Variants in COL23A1 observed in about 807,000 individuals in gnomAD.
COL23A1 encodes collagen type XXIII alpha 1 chain, also known as collagen alpha-1(XXIII) chain.
A neutral mutation model predicts 99.3 loss-of-function variants in COL23A1; 97 were observed. The ratio of observed to expected loss-of-function variants is 0.98; its 90% CI spans 0.83 to 1.16. The LOEUF (loss-of-function observed/expected upper bound fraction) is 1.16, where lower values mean the gene tolerates loss of function less well. Among genes scored for constraint, COL23A1 ranks in the 50% most tolerant of loss-of-function variants. The pLI is 0.00. For synonymous variants in COL23A1, 320 were observed against 308.2 expected (o/e 1.04, Z -0.40); for missense variants, 762 against 757.4 (o/e 1.01, Z -0.07).
At position 178,288,501 on chromosome 5, in the gene COL23A1, G is replaced by C. The variant is rs565632932; in HGVS notation, c.415-151C>G. 6.7e-6 allele frequency: 5 copies of C among 749,694 alleles called. No individual in the cohort carries two copies. The South Asian group carries it at 7.2e-5, about 11-fold the overall frequency. The allele number at this position is 749,694 out of a possible 1,614,324, so 46.4% of individuals were successfully genotyped here. ...GCGGGAGGACTCAAGGGCTCCAGGG[G>C]TCTTGGGGGCAGAGCAGCCCTTTCC... On this transcript the variant is annotated intron_variant, in intron 4 of 28. Coordinates refer to ENST00000390654, the MANE Select transcript of COL23A1 (RefSeq NM_173465.4).
chr5:178,519,200 T>C (rs927767762), intron 2 of COL23A1, among the ~76,000 whole-genome samples: 3 of 152,360 alleles, frequency 2.0e-5, no homozygotes, highest in South Asian at 4.1e-4. Context: ...TCATCTTCCC[T>C]CTCTGCCCGC....
At position 178,384,306 on chromosome 5, in the gene COL23A1, G is replaced by A. The variant is rs968649761; in HGVS notation, c.362-77387C>T. On this transcript the variant is annotated intron_variant, in intron 2 of 28. Transcript: ENST00000390654. The surrounding 1 kb of genome is among the most constrained non-coding windows in gnomAD (Gnocchi z 5.5). ...AACCTGGATCCGGCGACGGAGGCCCGGCCTGGCCACTGCCTGGCGTTTTCT... is the reference window on the plus strand; with the variant it reads ...AACCTGGATCCGGCGACGGAGGCCCAGCCTGGCCACTGCCTGGCGTTTTCT... 3.9e-5 allele frequency among the ~76,000 whole-genome samples: 6 copies of A among 152,220 alleles called. No homozygotes were observed. The highest frequency in any genetic ancestry group is 2.1e-4 in the South Asian group (1 of 4,830).
At chr5:178,533,084 G>A (rs1760738665) in intron 2 of COL23A1, among the ~76,000 whole-genome samples, 1 of 152,180 alleles carries the variant, frequency 6.6e-6, no homozygotes, top group South Asian at 2.1e-4. Flanking sequence ...ATGGGGAAAT[G>A]CCTGCCCTAC....
At chr5:178,348,927 G>A (rs544170149) in intron 2 of COL23A1, among the ~76,000 whole-genome samples, 16 of 152,220 alleles carry the variant, frequency 1.1e-4, no homozygotes, top group East Asian at 9.7e-4. Context: ...TCCCCCACCC[G>A]CGTCAGCAGC....
intron 2 of COL23A1, among the ~76,000 whole-genome samples, chr5:178,446,454 A>G (rs1225703907): frequency 1.3e-5 from 2 of 152,164 alleles, no homozygotes; most frequent in Non-Finnish European, 2.9e-5. Context: ...ACACAGAAAA[A>G]GCAAGATTAT....
chr5:178,452,969 A>G (rs1466914028), intron 2 of COL23A1, among the ~76,000 whole-genome samples: 10 of 152,216 alleles, frequency 6.6e-5, no homozygotes, highest in Non-Finnish European at 1.5e-4. Flanking sequence ...TAATTCCATG[A>G]TATTGTCTGT....
At position 178,578,501 on chromosome 5, in the gene COL23A1, T is replaced by G. The variant is rs540767914; in HGVS notation, c.294+11403A>C. Among the ~76,000 whole-genome samples the G allele has an allele frequency of 7.9e-4, 121 of 152,334 alleles. 1 individual carries two copies. Among genetic ancestry groups the G allele is most frequent in the African/African-American group, 2.7e-3 (113 of 41,588 alleles). ...CAATGAGCAGATCCGGCATTTTTTG[T>G]GTGATGTTCCTCCCGGGAGGCCCAA... On this transcript the variant is annotated intron_variant, in intron 1 of 28. Coordinates refer to ENST00000390654, the MANE Select transcript of COL23A1 (RefSeq NM_173465.4).
rs956946194 is a variant in COL23A1 at position 178,384,125 on chromosome 5, T to C, written c.362-77206A>G. ...ACCCCTCTTCTCTAGAAAGGGGTGA[T>C]GGTAAAATAAGGCTGGCCATCGAGA... On this transcript the variant is annotated intron_variant, in intron 2 of 28. Transcript: ENST00000390654. The surrounding 1 kb of genome is among the most constrained non-coding windows in gnomAD (Gnocchi z 5.5). Among the ~76,000 whole-genome samples, 3 of 151,970 alleles carry C rather than the reference T, an allele frequency of 2.0e-5. No homozygotes were observed. The highest frequency in any genetic ancestry group is 4.4e-5 in the Non-Finnish European group (3 of 67,992).
At chr5:178,265,350 C>T (rs902668364) in intron 8 of COL23A1, among the ~76,000 whole-genome samples, 4 of 152,104 alleles carry the variant, frequency 2.6e-5, no homozygotes, top group African/African-American at 9.7e-5. Flanking sequence ...GTGATGGTGG[C>T]GGGTGATTCC....
intron 2 of COL23A1, among the ~76,000 whole-genome samples, chr5:178,391,439 CA>C (rs1372609675): frequency 6.6e-6 from 1 of 152,106 alleles, no homozygotes; most frequent in African/African-American, 2.4e-5. Flanking sequence ...GACCTTTCTC[CA>C]AAGAAGATAA....
chr5:178,263,635 G>A (rs115177192), intron 8 of COL23A1, among the ~76,000 whole-genome samples: 1,917 of 152,336 alleles, frequency 0.013, 29 homozygotes, highest in African/African-American at 0.043. Flanking sequence ...GAGACAGCAC[G>A]TGTGTCCAGC....
intron 2 of COL23A1, among the ~76,000 whole-genome samples, chr5:178,400,257 C>T (rs1437593086): frequency 6.8e-6 from 1 of 146,642 alleles, no homozygotes; most frequent in Non-Finnish European, 1.5e-5. Context: ...GCCACAGCTA[C>T]TGGGGAGGCT....
Position 178,257,523 on chromosome 5 carries a change from C to T in COL23A1, c.774G>A (p.Lys258=), listed in dbSNP as rs1765372694. The change falls in exon 13 of 29, where the codon AAG becomes AAA. Residue 258 remains lysine, a splice_region_variant and synonymous_variant. Coordinates refer to ENST00000390654, the MANE Select transcript of COL23A1 (RefSeq NM_173465.4). The stretch of plus-strand genomic sequence containing the variant: ...CACGAGAGGAGGGGCAGATACTCAC[C>T]TTGGGCCCTGGTGGTCCAGGCTGGC... ...TPSQPGPPGP[K]GEPGSMGPRG... 2.6e-6 allele frequency: 4 copies of T among 1,566,960 alleles called. No individual in the cohort carries two copies. The highest frequency in any genetic ancestry group is 2.4e-5 in the East Asian group (1 of 42,450).
chr5:178,514,628 T>C (rs1455526477), intron 2 of COL23A1, among the ~76,000 whole-genome samples: 1 of 152,156 alleles, frequency 6.6e-6, no homozygotes, highest in South Asian at 2.1e-4. Context: ...GAACTGGGGC[T>C]CAGAGCCCAG....
intron 2 of COL23A1, among the ~76,000 whole-genome samples, chr5:178,481,148 A>G (rs1243754979): frequency 7.1e-6 from 1 of 140,646 alleles, no homozygotes; most frequent in Admixed American, 6.9e-5. Flanking sequence ...AAAAAAAAAA[A>G]AAGAAAGAAA....
chr5:178,336,992 C>CA (rs35443616), intron 2 of COL23A1, among the ~76,000 whole-genome samples: 1 of 151,802 alleles, frequency 6.6e-6, no homozygotes, highest in East Asian at 1.9e-4. Flanking sequence ...ACACTCCTCC[C>CA]CGGAGCCAGC....
At chr5:178,265,705 G>C in intron 8 of COL23A1, 2 of 985,888 alleles carry the variant, frequency 2.0e-6, no homozygotes, top group Non-Finnish European at 2.4e-6. Context: ...ATAAAGCCCG[G>C]ATTGAGCCGT....
At chr5:178,501,018 A>G (rs1195844748) in intron 2 of COL23A1, among the ~76,000 whole-genome samples, 1 of 152,226 alleles carries the variant, frequency 6.6e-6, no homozygotes, top group African/African-American at 2.4e-5. Context: ...ACAAGTCAAT[A>G]GGGCCCAGTT....
At chr5:178,364,693 G>A (rs372516763) in intron 2 of COL23A1, among the ~76,000 whole-genome samples, 7 of 152,134 alleles carry the variant, frequency 4.6e-5, no homozygotes, top group East Asian at 1.9e-4. Context: ...AGAATCACCC[G>A]GACAGCTTTT....
Sources: gnomAD v4.1 joint callset for allele counts (sites outside exome capture counted in the v4.1 genomes callset) on GRCh38, gnomAD v4.1.1 for gene constraint, Gnocchi (gnomAD v3.1) non-coding constraint, MANE v1.5 for transcripts, NCBI Gene and HGNC (gene_info 2026-07-23, HGNC 2026-07-21) for gene names.